RUNX1: variants seen among roughly 807,000 people sequenced by gnomAD.
RUNX1 encodes runt-related transcription factor 1.
A neutral mutation model predicts 42.8 loss-of-function variants in RUNX1; 19 were observed. That is an observed-to-expected ratio of 0.44 (90% CI 0.31 to 0.65). The LOEUF (loss-of-function observed/expected upper bound fraction) is 0.65, where lower values mean the gene tolerates loss of function less well. RUNX1 is among the 30% of genes least tolerant of loss of function. The pLI is 0.07. For synonymous variants in RUNX1, 271 were observed against 289.4 expected (o/e 0.94, Z 0.64); for missense variants, 528 against 672.0 (o/e 0.79, Z 2.37).
At chr21:34,857,013 G>T (rs2057503380) in intron 6 of RUNX1, among the ~76,000 whole-genome samples, 1 of 152,108 alleles carries the variant, frequency 6.6e-6, no homozygotes, top group African/African-American at 2.4e-5. Context: ...TGCTTCACAG[G>T]GCAAATAGAA....
At chr21:34,979,164 C>T (rs2058827357) in intron 2 of RUNX1, among the ~76,000 whole-genome samples, 1 of 152,182 alleles carries the variant, frequency 6.6e-6, no homozygotes, top group Admixed American at 6.5e-5. Context: ...ATTCCCATGC[C>T]TGGGTTCTGG....
rs1420774239 is a variant in RUNX1 at position 34,861,135 on chromosome 21, AC to A, written c.509-1558del. On this transcript the variant is annotated intron_variant, in intron 5 of 8. Transcript: ENST00000675419. Reference sequence around the variant, plus strand: ...TCCCATCAACTGGCCTGTCCCCAGAACCTAGAGACGAGTCTTGTTGGCCTTT... The same window carrying A: ...TCCCATCAACTGGCCTGTCCCCAGAACTAGAGACGAGTCTTGTTGGCCTTT... 4.6e-5 allele frequency among the ~76,000 whole-genome samples: 7 copies of A among 152,292 alleles called. No individual in the cohort carries two copies. The South Asian group carries it at 6.2e-4, about 14-fold the overall frequency.
chr21:34,989,858 G>A (rs1380625042), intron 2 of RUNX1, among the ~76,000 whole-genome samples: 2 of 152,104 alleles, frequency 1.3e-5, no homozygotes, highest in African/African-American at 4.8e-5. Context: ...AGACTCCCTG[G>A]GCTTTGCCTG....
intron 3 of RUNX1, chr21:34,889,611 C>T (rs2058052734): frequency 9.6e-7 from 1 of 1,041,008 alleles, no homozygotes; most frequent in African/African-American, 1.7e-5. Context: ...CTCCGGCTCC[C>T]CGGAAGCGGC....
At chr21:34,821,755 A>G in intron 7 of RUNX1, 1 of 1,467,570 alleles carries the variant, frequency 6.8e-7, no homozygotes, top group Admixed American at 2.0e-5. Flanking sequence ...TTCTTTATAG[A>G]GCCGCGAATG....
At chr21:35,022,850 G>T (rs913836518) in intron 2 of RUNX1, among the ~76,000 whole-genome samples, 1 of 150,586 alleles carries the variant, frequency 6.6e-6, no homozygotes, top group South Asian at 2.1e-4. Context: ...AGCCGAGATC[G>T]CGCCAGTGCA....
intron 2 of RUNX1, among the ~76,000 whole-genome samples, chr21:34,904,036 C>T (rs1388427108): frequency 1.3e-5 from 2 of 152,024 alleles, no homozygotes; most frequent in East Asian, 3.8e-4. Context: ...ATAAATGATA[C>T]CTTTTTATGG....
chr21:34,893,785 A>AAAG lies in RUNX1; in HGVS notation c.59-823_59-822insCTT, dbSNP rs2058106404. Among the ~76,000 whole-genome samples, 5 of 149,914 alleles carry AAAG rather than the reference A, an allele frequency of 3.3e-5. No homozygotes were observed. In the South Asian group the frequency reaches 8.5e-4, roughly 25 times the overall value. On this transcript the variant is annotated intron_variant, in intron 2 of 8. Transcript: ENST00000675419. The stretch of plus-strand genomic sequence containing the variant: ...TTAGTATGCTGTTTTTTTTTTTTTA[A>AAAG]AAAAAAACCTTTAAAATAAGAGGAG...
chr21:34,886,138 C>T (rs556574017), intron 4 of RUNX1, among the ~76,000 whole-genome samples: 1 of 152,222 alleles, frequency 6.6e-6, no homozygotes, highest in South Asian at 2.1e-4. Context: ...AAAACAGCCT[C>T]GTCACCTTTC....
chr21:35,032,998 C>G (rs1043964027), intron 2 of RUNX1, among the ~76,000 whole-genome samples: 4 of 152,190 alleles, frequency 2.6e-5, no homozygotes, highest in Non-Finnish European at 4.4e-5. Flanking sequence ...ATCCATCCCT[C>G]TATCATTCAT....
chr21:35,047,539 A>T (rs1232490987), intron 2 of RUNX1, among the ~76,000 whole-genome samples: 1 of 133,090 alleles, frequency 7.5e-6, no homozygotes, highest in South Asian at 2.6e-4. Context: ...ACACACACAC[A>T]CACACACACA....
chr21:34,821,318 A>C, intron 7 of RUNX1: 4 of 1,142,838 alleles, frequency 3.5e-6, no homozygotes, highest in East Asian at 4.0e-5. Flanking sequence ...TTAAGTATTG[A>C]AAGTGTACCG....
intron 6 of RUNX1, among the ~76,000 whole-genome samples, chr21:34,838,408 A>G (rs1037535932): frequency 6.6e-6 from 1 of 152,218 alleles, no homozygotes; most frequent in African/African-American, 2.4e-5. Flanking sequence ...CAGAAAAATG[A>G]GGAAGGTATA....
intron 2 of RUNX1, among the ~76,000 whole-genome samples, chr21:34,922,328 C>T (rs1206898262): frequency 6.6e-6 from 1 of 152,136 alleles, no homozygotes; most frequent in African/African-American, 2.4e-5. Flanking sequence ...AATGTACCAT[C>T]CCTGGGCTAG....
intron 2 of RUNX1, among the ~76,000 whole-genome samples, chr21:34,923,628 T>C (rs142154889): frequency 6.6e-6 from 1 of 152,266 alleles, no homozygotes; most frequent in East Asian, 1.9e-4. Context: ...CCTGAACTTG[T>C]GGCTGACCCC....
chr21:34,879,847 T>C (rs1249595466), intron 5 of RUNX1, among the ~76,000 whole-genome samples: 2 of 152,224 alleles, frequency 1.3e-5, no homozygotes, highest in Non-Finnish European at 2.9e-5. Context: ...AATGCTTTGA[T>C]AATGAGTTAA....
intron 7 of RUNX1, among the ~76,000 whole-genome samples, chr21:34,817,582 CA>C (rs1361346495): frequency 1.3e-5 from 2 of 152,136 alleles, no homozygotes; most frequent in East Asian, 3.9e-4. Context: ...TACCTGATCA[CA>C]AACAGAGCTG....
intron 2 of RUNX1, among the ~76,000 whole-genome samples, chr21:34,985,169 T>A (rs534935426): frequency 6.6e-6 from 1 of 152,328 alleles, no homozygotes; most frequent in South Asian, 2.1e-4. Context: ...TAGCACTCCA[T>A]TGAAAGGTAC....
chr21:34,972,955 C>A (rs937866583), intron 2 of RUNX1, among the ~76,000 whole-genome samples: 1 of 152,132 alleles, frequency 6.6e-6, no homozygotes, highest in Admixed American at 6.5e-5. Context: ...ATGTCTCCAG[C>A]CCAGAACTAT....
Sources: allele counts gnomAD v4.1 joint callset (sites outside exome capture counted in the v4.1 genomes callset), GRCh38; gene constraint gnomAD v4.1.1; transcripts MANE v1.5; gene names NCBI Gene and HGNC (gene_info 2026-07-23, HGNC 2026-07-21).